DPP10: variants seen among roughly 807,000 people sequenced by gnomAD.
DPP10 encodes dipeptidyl peptidase like 10.
Under a neutral mutation model 120.9 loss-of-function variants are expected in DPP10, and 33 were observed. That is an observed-to-expected ratio of 0.27 (90% CI 0.21 to 0.37). The LOEUF (loss-of-function observed/expected upper bound fraction) is 0.37. Ranked by LOEUF, DPP10 falls within the 10% of genes least tolerant of loss-of-function variation. DPP10 has a pLI of 1.00. For synonymous variants in DPP10, 337 were observed against 326.1 expected (o/e 1.03, Z -0.36); for missense variants, 816 against 942.8 (o/e 0.87, Z 1.76).
chr2:114,632,233 A>G (rs1694977143), intron 1 of DPP10, among the ~76,000 whole-genome samples: 1 of 152,054 alleles, frequency 6.6e-6, no homozygotes, highest in African/African-American at 2.4e-5. Flanking sequence ...GTTACTTTAC[A>G]GTTTTTCCTT....
chr2:114,612,024 G>A (rs1410020975), intron 1 of DPP10, among the ~76,000 whole-genome samples: 1 of 152,116 alleles, frequency 6.6e-6, no homozygotes, highest in Non-Finnish European at 1.5e-5. Context: ...TACTCATTCT[G>A]TTTCTCTGAA....
At chr2:115,614,251 G>T (rs936913521) in intron 5 of DPP10, among the ~76,000 whole-genome samples, 6 of 152,140 alleles carry the variant, frequency 3.9e-5, no homozygotes, top group Non-Finnish European at 5.9e-5. Context: ...TAATATCGTA[G>T]GTGGGATAAT....
chr2:114,743,917 G>T (rs1007215809), intron 1 of DPP10, among the ~76,000 whole-genome samples: 38 of 152,064 alleles, frequency 2.5e-4, no homozygotes, highest in East Asian at 1.9e-3. Flanking sequence ...TTGTCCTCAG[G>T]TAGTTTGCTA....
intron 1 of DPP10, among the ~76,000 whole-genome samples, chr2:114,685,857 C>T (rs549076101): frequency 1.3e-5 from 2 of 152,096 alleles, no homozygotes; most frequent in East Asian, 3.9e-4. Flanking sequence ...TTCTTGCTTA[C>T]ACTGTTGGAT....
intron 1 of DPP10, among the ~76,000 whole-genome samples, chr2:114,675,262 G>A (rs1698595499): frequency 1.3e-5 from 2 of 152,246 alleles, no homozygotes; most frequent in Admixed American, 1.3e-4. Flanking sequence ...CAGAAAAGTA[G>A]TTTCATAATT....
intron 17 of DPP10, among the ~76,000 whole-genome samples, chr2:115,790,154 A>T (rs1683795443): frequency 1.3e-5 from 2 of 148,528 alleles, no homozygotes; most frequent in African/African-American, 5.0e-5. Context: ...ATCTCGGCTC[A>T]CTGCAAGCTC....
chr2:115,618,294 T>A (rs1301732950), intron 5 of DPP10, among the ~76,000 whole-genome samples: 1 of 152,220 alleles, frequency 6.6e-6, no homozygotes, highest in Non-Finnish European at 1.5e-5. Context: ...ATCTAAAATA[T>A]ACATTGAGTG....
chr2:115,369,304 A>G (rs2065256644), intron 3 of DPP10, among the ~76,000 whole-genome samples: 1 of 152,130 alleles, frequency 6.6e-6, no homozygotes, highest in African/African-American at 2.4e-5. Flanking sequence ...ACAAGTCTAT[A>G]TATTCACAAC....
intron 1 of DPP10, among the ~76,000 whole-genome samples, chr2:115,225,319 A>G (rs903978990): frequency 1.3e-5 from 2 of 152,112 alleles, no homozygotes; most frequent in Admixed American, 6.6e-5. Context: ...ATGGTACTCC[A>G]TAATGGACCT....
intron 10 of DPP10, among the ~76,000 whole-genome samples, chr2:115,750,942 A>C (rs1051659264): frequency 6.6e-6 from 1 of 152,144 alleles, no homozygotes; most frequent in African/African-American, 2.4e-5. Flanking sequence ...TTTTAAAATT[A>C]TTCATGTTAG....
At chr2:114,477,525 GTATA>G (rs76272255) in intron 1 of DPP10, among the ~76,000 whole-genome samples, 1 of 149,576 alleles carries the variant, frequency 6.7e-6, no homozygotes, top group Non-Finnish European at 1.5e-5. Flanking sequence ...GTGTATATAT[GTATA>G]TATATATATG....
chr2:115,204,659 A>G (rs1444733660), intron 1 of DPP10, among the ~76,000 whole-genome samples: 1 of 152,018 alleles, frequency 6.6e-6, no homozygotes, highest in Non-Finnish European at 1.5e-5. Flanking sequence ...AAAAAACCAA[A>G]CTCACTAAAC....
At chr2:115,114,398 C>A (rs1368348848) in intron 1 of DPP10, among the ~76,000 whole-genome samples, 2 of 152,184 alleles carry the variant, frequency 1.3e-5, no homozygotes, top group African/African-American at 4.8e-5. Flanking sequence ...CTCCTAATTC[C>A]TAATTCCTAG....
chr2:114,687,644 T>A (rs559718500), intron 1 of DPP10, among the ~76,000 whole-genome samples: 126 of 152,136 alleles, frequency 8.3e-4, no homozygotes, highest in Admixed American at 1.6e-3. Flanking sequence ...TGAACAGCTG[T>A]TCTGAAGCTG....
chr2:115,171,013 A>G (rs910392267), intron 1 of DPP10, among the ~76,000 whole-genome samples: 1 of 152,102 alleles, frequency 6.6e-6, no homozygotes, highest in Non-Finnish European at 1.5e-5. Flanking sequence ...CCGCCTCTCT[A>G]CATTTCTGAG....
rs1396838832 is a variant in DPP10 at position 115,758,426 on chromosome 2, A to G, written c.1075-4146A>G. 2.0e-5 allele frequency among the ~76,000 whole-genome samples: 3 copies of G among 152,182 alleles called. No individual in the cohort carries two copies. The East Asian group carries it at 5.8e-4, about 29-fold the overall frequency. On this transcript the variant is annotated intron_variant, in intron 11 of 25. Transcript: ENST00000410059. Reference sequence around the variant, plus strand: ...GTGAAATACCCCAATACTGAATACTACAACATTGCTAAAAGGCATTTGAAA... The same window carrying G: ...GTGAAATACCCCAATACTGAATACTGCAACATTGCTAAAAGGCATTTGAAA...
At chr2:115,133,476 T>G (rs2050488533) in intron 1 of DPP10, among the ~76,000 whole-genome samples, 1 of 152,012 alleles carries the variant, frequency 6.6e-6, no homozygotes, top group Non-Finnish European at 1.5e-5. Context: ...ACAACTCTAT[T>G]GATAAGGACA....
chr2:115,408,261 C>G lies in DPP10; in HGVS notation c.271+64349C>G, dbSNP rs146781268. On this transcript the variant is annotated intron_variant, in intron 3 of 25. Coordinates refer to ENST00000410059, the MANE Select transcript of DPP10 (RefSeq NM_020868.6). ...AGGAACAGGAGAGGCCAGGCTCCTCCGCCCTGCAAATGGTACAGACTTCCT... is the reference window on the plus strand; with the variant it reads ...AGGAACAGGAGAGGCCAGGCTCCTCGGCCCTGCAAATGGTACAGACTTCCT... 7.9e-5 allele frequency among the ~76,000 whole-genome samples: 12 copies of G among 152,198 alleles called. 1 individual carries two copies. Among genetic ancestry groups the G allele is most frequent in the African/African-American group, 2.6e-4 (11 of 41,534 alleles).
At chr2:115,453,984 A>C (rs1005835994) in intron 3 of DPP10, among the ~76,000 whole-genome samples, 121 of 151,596 alleles carry the variant, frequency 8.0e-4, no homozygotes, top group African/African-American at 2.7e-3. Flanking sequence ...TAACTAGCAA[A>C]AATGGATAAA....
Sources: allele counts gnomAD v4.1 joint callset (sites outside exome capture counted in the v4.1 genomes callset), GRCh38; gene constraint gnomAD v4.1.1; transcripts MANE v1.5; gene names NCBI Gene and HGNC (gene_info 2026-07-23, HGNC 2026-07-21).